IGSF21: variants seen among roughly 807,000 people sequenced by gnomAD.
The protein encoded by IGSF21 is immunoglobulin superfamily member 21.
A neutral mutation model predicts 46.8 loss-of-function variants in IGSF21; 28 were observed. That is an observed-to-expected ratio of 0.60 (90% CI 0.44 to 0.82). The LOEUF (loss-of-function observed/expected upper bound fraction) is 0.82, where lower values mean the gene tolerates loss of function less well. IGSF21 is among the 40% of genes least tolerant of loss of function. IGSF21 has a pLI of 0.00. For missense variants in IGSF21, 624 were observed against 665.5 expected, an observed-to-expected ratio of 0.94 and a Z score of 0.69; for synonymous variants, 284 against 273.6, an observed-to-expected ratio of 1.04 and a Z score of -0.38.
At chr1:18,150,986 A>C (rs2086517041) in intron 1 of IGSF21, among the ~76,000 whole-genome samples, 1 of 152,210 alleles carries the variant, frequency 6.6e-6, no homozygotes, top group South Asian at 2.1e-4. Context: ...TGCCTGTCCC[A>C]GTTGGCACCA....
intron 2 of IGSF21, among the ~76,000 whole-genome samples, chr1:18,254,321 G>C (rs1049908756): frequency 1.3e-4 from 20 of 152,050 alleles, no homozygotes; most frequent in African/African-American, 3.6e-4. Flanking sequence ...CCATTCACTG[G>C]ATCTAGACCT....
chr1:18,369,397 A>G (rs2086202145), intron 6 of IGSF21, among the ~76,000 whole-genome samples: 1 of 152,172 alleles, frequency 6.6e-6, no homozygotes, highest in Non-Finnish European at 1.5e-5. Flanking sequence ...AGTTGCTATC[A>G]TATTATTCCC....
chr1:18,275,151 C>A (rs1325836760), intron 2 of IGSF21, among the ~76,000 whole-genome samples: 1 of 152,222 alleles, frequency 6.6e-6, no homozygotes. Context: ...GAGTCTTAAA[C>A]CAACTGCAGA....
At chr1:18,225,638 T>C (rs926726068) in intron 1 of IGSF21, among the ~76,000 whole-genome samples, 3 of 152,160 alleles carry the variant, frequency 2.0e-5, no homozygotes, top group Admixed American at 1.3e-4. Flanking sequence ...CATAACTATA[T>C]CTGCAAAGGT....
chr1:18,350,992 G>A (rs1232717377), intron 4 of IGSF21, among the ~76,000 whole-genome samples: 3 of 152,014 alleles, frequency 2.0e-5, no homozygotes, highest in South Asian at 2.1e-4. Flanking sequence ...GTGGAAACAC[G>A]TGAGGACTTC....
intron 1 of IGSF21, among the ~76,000 whole-genome samples, chr1:18,154,698 G>C (rs1397835461): frequency 6.6e-6 from 1 of 152,064 alleles, no homozygotes; most frequent in Non-Finnish European, 1.5e-5. Context: ...ATTCCAGGCA[G>C]AGAACACAAG....
At chr1:18,203,694 C>T (rs2087099596) in intron 1 of IGSF21, among the ~76,000 whole-genome samples, 1 of 152,146 alleles carries the variant, frequency 6.6e-6, no homozygotes, top group African/African-American at 2.4e-5. Context: ...AGAATGAGAG[C>T]AGCAGAGTCT....
Position 18,266,949 on chromosome 1 carries a change from AAAG to A in IGSF21, c.184-24916_184-24914del, listed in dbSNP as rs200852797. Among the ~76,000 whole-genome samples, 1,382 of 152,272 alleles carry A rather than the reference AAAG, an allele frequency of 9.1e-3. 24 individuals carry two copies. Among genetic ancestry groups the A allele is most frequent in the African/African-American group, 0.028 (1,163 of 41,552 alleles). Reference sequence around the variant, plus strand: ...GGAGACCCAGCAAATGGGGTCAATGAAAGCTCTCTGCTTTCAGGAACTTCCAGG... The same window carrying A: ...GGAGACCCAGCAAATGGGGTCAATGACTCTCTGCTTTCAGGAACTTCCAGG... On this transcript the variant is annotated intron_variant, in intron 2 of 9. Coordinates refer to ENST00000251296, the MANE Select transcript of IGSF21 (RefSeq NM_032880.5).
intron 3 of IGSF21, among the ~76,000 whole-genome samples, chr1:18,297,833 A>G (rs181790641): frequency 5.3e-5 from 8 of 151,578 alleles, no homozygotes; most frequent in Admixed American, 3.3e-4. Context: ...TTCTCTGAAT[A>G]TTTTTGGTCC....
At chr1:18,344,300 C>A (rs941061440) in intron 4 of IGSF21, among the ~76,000 whole-genome samples, 7 of 152,188 alleles carry the variant, frequency 4.6e-5, no homozygotes, top group African/African-American at 1.7e-4. Context: ...TCCCTAGTAG[C>A]TGGGACTATA....
At chr1:18,359,052 C>T (rs143260118) in intron 4 of IGSF21, among the ~76,000 whole-genome samples, 398 of 152,084 alleles carry the variant, frequency 2.6e-3, no homozygotes, top group African/African-American at 9.1e-3. Context: ...TCGTTTGAGG[C>T]CAGGAATTCA....
At chr1:18,146,478 C>T (rs953289079) in intron 1 of IGSF21, among the ~76,000 whole-genome samples, 3 of 152,198 alleles carry the variant, frequency 2.0e-5, no homozygotes, top group African/African-American at 7.2e-5. Context: ...TTCTCCTGGG[C>T]CCTCCTGGGA....
At chr1:18,132,647 T>G (rs755789356) in intron 1 of IGSF21, among the ~76,000 whole-genome samples, 17 of 152,098 alleles carry the variant, frequency 1.1e-4, no homozygotes, top group Non-Finnish European at 2.4e-4. Context: ...GAAGCCCCTT[T>G]TCTTCTCCCT....
chr1:18,167,244 A>C (rs2086688635), intron 1 of IGSF21, among the ~76,000 whole-genome samples: 1 of 152,106 alleles, frequency 6.6e-6, no homozygotes, highest in African/African-American at 2.4e-5. Flanking sequence ...AGACATCCCC[A>C]AGAAGTGGGG....
At position 18,377,426 on chromosome 1, in the gene IGSF21, C is replaced by T. The variant is rs757430997; in HGVS notation, c.1328C>T (p.Ser443Phe). 6.2e-7 allele frequency: 1 copy of T among 1,613,332 alleles called. No individual in the cohort carries two copies. The highest frequency in any genetic ancestry group is 8.5e-7 in the Non-Finnish European group (1 of 1,179,210). Reference sequence around the variant, plus strand: ...AATATCCCAAGAGGAACGGAGGACTCTAATGGTAAGTCTCTACCCTCAGGA... The same window carrying T: ...AATATCCCAAGAGGAACGGAGGACTTTAATGGTAAGTCTCTACCCTCAGGA... ...NPNIPRGTED[S>F]NGSIGPTGAR... The change falls in exon 9 of 10, where the codon TCT becomes TTT. Residue 443 changes from serine to phenylalanine, a missense_variant. Physicochemically the swap from Ser to Phe is radical, Grantham distance 155. Transcript: ENST00000251296.
At chr1:18,294,810 C>T (rs1040939531) in intron 3 of IGSF21, among the ~76,000 whole-genome samples, 5 of 152,362 alleles carry the variant, frequency 3.3e-5, no homozygotes, top group South Asian at 2.1e-4. Context: ...AACGGGATCA[C>T]GGAGGATTGT....
chr1:18,141,507 G>A (rs1297197787), intron 1 of IGSF21, among the ~76,000 whole-genome samples: 3 of 152,040 alleles, frequency 2.0e-5, no homozygotes, highest in African/African-American at 7.2e-5. Context: ...GGGGGTTGGG[G>A]GAGAGGCTGA....
chr1:18,177,403 G>GGGGATGGGGTCAGTGAGGTA (rs1268175368), intron 1 of IGSF21, among the ~76,000 whole-genome samples: 1,771 of 36,644 alleles, frequency 0.048, 27 homozygotes, highest in African/African-American at 0.1. Context: ...GTGTGTGTGT[G>GGGGATGGGGTCAGTGAGGTA]TGTGTGTGTG....
chr1:18,337,525 C>T lies in IGSF21; in HGVS notation c.424+2515C>T, dbSNP rs986121125. ...AAGAGAAGTCCCCCATTCACAGCTC[C>T]AAAGAGCCCTGCACTAGTCTGAGGA... On this transcript the variant is annotated intron_variant, in intron 4 of 9. Coordinates refer to ENST00000251296, the MANE Select transcript of IGSF21 (RefSeq NM_032880.5). This position sits in a 1 kb window ranked among gnomAD's most constrained non-coding sequence, Gnocchi z 5.7. 2.0e-5 allele frequency among the ~76,000 whole-genome samples: 3 copies of T among 152,154 alleles called. No individual in the cohort carries two copies. The highest frequency in any genetic ancestry group is 2.0e-4 in the Admixed American group (3 of 15,288).
Sources: gnomAD v4.1 joint callset for allele counts (sites outside exome capture counted in the v4.1 genomes callset) on GRCh38, gnomAD v4.1.1 for gene constraint, Gnocchi (gnomAD v3.1) non-coding constraint, MANE v1.5 for transcripts, NCBI Gene and HGNC (gene_info 2026-07-23, HGNC 2026-07-21) for gene names.